TBC1D5: variants seen among roughly 807,000 people sequenced by gnomAD.
The protein encoded by TBC1D5 is TBC1 domain family, member 5.
Under a neutral mutation model 100.3 loss-of-function variants are expected in TBC1D5, and 75 were observed. The observed-to-expected ratio is 0.75, with a 90% CI of 0.62 to 0.91. The LOEUF is 0.91. Ranked by LOEUF, TBC1D5 falls within the 40% of genes least tolerant of loss-of-function variation. The pLI, the probability that TBC1D5 is intolerant of heterozygous loss-of-function variation, is 0.00. For missense variants in TBC1D5, 910 were observed against 942.4 expected (o/e 0.97, Z 0.45); for synonymous variants, 323 against 325.6 (o/e 0.99, Z 0.09).
intron 2 of TBC1D5, among the ~76,000 whole-genome samples, chr3:17,597,363 A>T (rs1319289797): frequency 6.6e-6 from 1 of 152,182 alleles, no homozygotes; most frequent in Admixed American, 6.5e-5. Context: ...CCTCCCCCAG[A>T]AAAACAGATA....
At chr3:17,738,151 T>C (rs964778794) in intron 1 of TBC1D5, among the ~76,000 whole-genome samples, 3 of 152,238 alleles carry the variant, frequency 2.0e-5, no homozygotes, top group African/African-American at 7.2e-5. Flanking sequence ...TTTATTTGCA[T>C]TTAATTCTCC....
intron 18 of TBC1D5, among the ~76,000 whole-genome samples, chr3:17,200,172 T>C (rs1273572438): frequency 6.6e-6 from 1 of 152,258 alleles, no homozygotes; most frequent in Non-Finnish European, 1.5e-5. Context: ...CACTATATTT[T>C]GCTGTTAAAG....
At chr3:17,621,894 T>C (rs1309942601) in intron 2 of TBC1D5, among the ~76,000 whole-genome samples, 1 of 152,220 alleles carries the variant, frequency 6.6e-6, no homozygotes, top group Non-Finnish European at 1.5e-5. Flanking sequence ...GGTAAACATT[T>C]ATTCAACTGA....
At chr3:17,406,772 A>T in intron 4 of TBC1D5, 1 of 429,144 alleles carries the variant, frequency 2.3e-6, no homozygotes, top group Non-Finnish European at 4.1e-6. Context: ...TATGGAGGCT[A>T]TTCCATTTCC....
At chr3:17,505,181 T>C (rs956022829) in intron 3 of TBC1D5, among the ~76,000 whole-genome samples, 1 of 152,112 alleles carries the variant, frequency 6.6e-6, no homozygotes, top group Non-Finnish European at 1.5e-5. Context: ...AGTAAGAAGG[T>C]GAATACTGTG....
intron 15 of TBC1D5, among the ~76,000 whole-genome samples, chr3:17,261,473 G>T (rs560551552): frequency 6.6e-6 from 1 of 150,454 alleles, no homozygotes; most frequent in East Asian, 1.9e-4. Flanking sequence ...TTTTTGGGGG[G>T]TGGGGTGGGG....
At chr3:17,355,988 A>C (rs1324693443) in intron 13 of TBC1D5, among the ~76,000 whole-genome samples, 2 of 152,184 alleles carry the variant, frequency 1.3e-5, no homozygotes, top group Non-Finnish European at 2.9e-5. Context: ...TAAATGTGTA[A>C]CTTGTTACAA....
intron 1 of TBC1D5, among the ~76,000 whole-genome samples, chr3:17,722,029 T>C (rs1444782033): frequency 6.6e-6 from 1 of 152,086 alleles, no homozygotes; most frequent in African/African-American, 2.4e-5. Context: ...TAATGTGAAG[T>C]TGCCTGACCT....
chr3:17,717,115 T>C (rs1041181791), intron 1 of TBC1D5, among the ~76,000 whole-genome samples: 2 of 152,138 alleles, frequency 1.3e-5, no homozygotes, highest in African/African-American at 4.8e-5. Flanking sequence ...CCAAGCCACC[T>C]AGCCAGTAAA....
chr3:17,296,398 T>C (rs779793408), intron 14 of TBC1D5, among the ~76,000 whole-genome samples: 17 of 152,216 alleles, frequency 1.1e-4, no homozygotes, highest in Non-Finnish European at 2.4e-4. Flanking sequence ...GCCTACTACA[T>C]GCAGGAAAAA....
chr3:17,622,076 G>C (rs1465482425), intron 2 of TBC1D5, among the ~76,000 whole-genome samples: 1 of 152,180 alleles, frequency 6.6e-6, no homozygotes, highest in African/African-American at 2.4e-5. Context: ...CTTTGTGAAA[G>C]ACAGTTTTTC....
intron 4 of TBC1D5, among the ~76,000 whole-genome samples, chr3:17,421,682 T>A (rs2094211134): frequency 6.6e-6 from 1 of 152,344 alleles, no homozygotes; most frequent in East Asian, 1.9e-4. Context: ...TTTACAGTTA[T>A]GCTCTCTACA....
chr3:17,516,484 G>A (rs2095989737), intron 2 of TBC1D5, among the ~76,000 whole-genome samples: 1 of 152,102 alleles, frequency 6.6e-6, no homozygotes, highest in African/African-American at 2.4e-5. Context: ...AATGATTAAT[G>A]TTTTGAAAAT....
intron 8 of TBC1D5, among the ~76,000 whole-genome samples, chr3:17,397,937 T>C (rs1020389974): frequency 6.6e-6 from 1 of 152,176 alleles, no homozygotes; most frequent in African/African-American, 2.4e-5. Context: ...AAGATGAGAC[T>C]ATTTGGCAAT....
intron 3 of TBC1D5, among the ~76,000 whole-genome samples, chr3:17,504,453 A>G (rs1366963793): frequency 6.6e-6 from 1 of 151,672 alleles, no homozygotes; most frequent in African/African-American, 2.4e-5. Flanking sequence ...AATTAAAAAC[A>G]AAATAAAAAT....
chr3:17,458,350 T>C (rs1319507409), intron 3 of TBC1D5, among the ~76,000 whole-genome samples: 2 of 152,206 alleles, frequency 1.3e-5, no homozygotes, highest in African/African-American at 2.4e-5. Flanking sequence ...TATAGCTTTG[T>C]TCCAGAGTCC....
intron 13 of TBC1D5, among the ~76,000 whole-genome samples, chr3:17,340,923 G>A (rs1459119343): frequency 6.6e-6 from 1 of 152,176 alleles, no homozygotes; most frequent in Non-Finnish European, 1.5e-5. Flanking sequence ...TCATCTCACT[G>A]TAGATAAACT....
At chr3:17,577,293 AACT>A (rs1385945594) in intron 2 of TBC1D5, among the ~76,000 whole-genome samples, 1 of 152,018 alleles carries the variant, frequency 6.6e-6, no homozygotes, top group African/African-American at 2.4e-5. Context: ...TGCAAAAGCA[AACT>A]ACTATCAATT....
intron 3 of TBC1D5, among the ~76,000 whole-genome samples, chr3:17,481,438 C>G (rs2095500814): frequency 6.6e-6 from 1 of 152,178 alleles, no homozygotes; most frequent in African/African-American, 2.4e-5. Context: ...AGGTTTCCAG[C>G]TGGCAAAGCA....
Sources: gnomAD v4.1 joint callset for allele counts (sites outside exome capture counted in the v4.1 genomes callset) on GRCh38, gnomAD v4.1.1 for gene constraint, MANE v1.5 for transcripts, NCBI Gene and HGNC (gene_info 2026-07-23, HGNC 2026-07-21) for gene names.